The following CDH19 variants were observed in gnomAD, a reference collection of about 807,000 sequenced individuals.
CDH19 encodes cadherin-19.
A neutral mutation model predicts 64.2 loss-of-function variants in CDH19; 67 were observed. The observed-to-expected ratio is 1.04, with a 90% CI of 0.86 to 1.28. CDH19 has a LOEUF of 1.28. Ranked by LOEUF, CDH19 falls within the 50% of genes most tolerant of loss-of-function variation. CDH19 has a pLI of 0.00. For missense variants in CDH19, 1,030 were observed against 929.0 expected, an observed-to-expected ratio of 1.11 and a Z score of -1.41; for synonymous variants, 346 against 319.3, an observed-to-expected ratio of 1.08 and a Z score of -0.89.
rs1434989263 is a variant in CDH19, at chr18:66,515,635, TA to T, written c.1459-3951del. Among the ~76,000 whole-genome samples, 5 of 151,876 alleles carry T rather than the reference TA, an allele frequency of 3.3e-5. No homozygotes were observed. The East Asian group carries it at 9.6e-4, about 29-fold the overall frequency. ...ATATTTATTTAAATGTCATAGATATTATAATTGTTTTTGCCATTAACTTGTA... is the reference window on the plus strand; with the variant it reads ...ATATTTATTTAAATGTCATAGATATTTAATTGTTTTTGCCATTAACTTGTA... On this transcript the variant is annotated intron_variant, in intron 9 of 11. Transcript: ENST00000262150.
chr18:66,506,848 T>C (rs1474504800), intron 11 of CDH19, among the ~76,000 whole-genome samples: 1 of 151,922 alleles, frequency 6.6e-6, no homozygotes, highest in African/African-American at 2.4e-5. Context: ...TATATAAAAC[T>C]TGCATTTAAA....
At chr18:66,523,149 CAG>C (rs1986066688) in intron 9 of CDH19, among the ~76,000 whole-genome samples, 1 of 152,080 alleles carries the variant, frequency 6.6e-6, no homozygotes, top group Non-Finnish European at 1.5e-5. Context: ...TCCTCACTAA[CAG>C]ATCACAGAAT....
At position 66,524,569 on chromosome 18, in the gene CDH19, T is replaced by TATAA. The variant is rs1276593665; in HGVS notation, c.1458+5275_1458+5276insTTAT. On this transcript the variant is annotated intron_variant, in intron 9 of 11. Transcript: ENST00000262150. Reference sequence around the variant, plus strand: ...ATATATATATATATATATATATATATAAACATCATCATGCACCATAAATAT... The same window carrying TATAA: ...ATATATATATATATATATATATATATATAAAAACATCATCATGCACCATAAATAT... 1.3e-3 allele frequency among the ~76,000 whole-genome samples: 176 copies of TATAA among 135,158 alleles called. 1 individual carries two copies. Among genetic ancestry groups the TATAA allele is most frequent in the Middle Eastern group, 4.0e-3 (1 of 250 alleles). The allele number at this position is 135,158 out of a possible 152,430, so 88.7% of individuals were successfully genotyped here.
rs1985139936 is a variant in CDH19 at position 66,505,302 on chromosome 18, C to T, written c.1829G>A (p.Gly610Glu). 5.2e-6 allele frequency: 8 copies of T among 1,543,464 alleles called. No individual in the cohort carries two copies. The highest frequency in any genetic ancestry group is 6.9e-6 in the Non-Finnish European group (8 of 1,151,578). ...TAAACCCAAAGTCAAAAAAATAAAC[C>T]CTGATGAAGAAAGCACATCAGAATA... ...AILICIMIIF[G>E]FIFLTLGLKQ... The change falls in exon 12 of 12, where the codon GGG becomes GAG. Residue 610 changes from glycine to glutamate, a missense_variant and splice_region_variant. Gly to Glu is a moderately conservative substitution (Grantham distance 98). Coordinates refer to ENST00000262150, the MANE Select transcript of CDH19 (RefSeq NM_021153.4).
rs2144582207 is a variant in CDH19 at position 66,572,240 on chromosome 18, A to G, written c.-36T>C. The G allele has an allele frequency of 6.5e-7, 1 of 1,535,212 alleles. No homozygotes were observed. The highest frequency in any genetic ancestry group is 1.2e-5 in the South Asian group (1 of 85,654). On this transcript the variant is annotated 5_prime_UTR_variant, in exon 2 of 12. Transcript: ENST00000262150. Reference sequence around the variant, plus strand: ...CTTTTGATTCCAACTATTACTCTTCAGAGGAAACAGGACGTCACTAACAAA... The same window carrying G: ...CTTTTGATTCCAACTATTACTCTTCGGAGGAAACAGGACGTCACTAACAAA...
chr18:66,567,969 TTTTGTC>T (rs1247183439), intron 3 of CDH19, among the ~76,000 whole-genome samples: 3 of 151,706 alleles, frequency 2.0e-5, no homozygotes, highest in Non-Finnish European at 2.9e-5. Context: ...AACCACTTAG[TTTTGTC>T]TTAGTGGTTT....
chr18:66,602,567 G>A (rs1197628285), intron 1 of CDH19, among the ~76,000 whole-genome samples: 1 of 151,868 alleles, frequency 6.6e-6, no homozygotes, highest in African/African-American at 2.4e-5. Flanking sequence ...ATATGCAGAT[G>A]TGTCTGTGTG....
chr18:66,582,171 A>G (rs1274309256), intron 1 of CDH19, among the ~76,000 whole-genome samples: 4 of 152,164 alleles, frequency 2.6e-5, no homozygotes, highest in Admixed American at 1.3e-4. Flanking sequence ...ATGACAAAAT[A>G]TATGTTTTCT....
chr18:66,590,087 C>T (rs554422016), intron 1 of CDH19, among the ~76,000 whole-genome samples: 2 of 151,892 alleles, frequency 1.3e-5, no homozygotes, highest in Non-Finnish European at 2.9e-5. Context: ...CCCTCAATTT[C>T]AGGGAAATTG....
At chr18:66,522,087 C>T (rs1416419950) in intron 9 of CDH19, among the ~76,000 whole-genome samples, 1 of 151,570 alleles carries the variant, frequency 6.6e-6, no homozygotes, top group Non-Finnish European at 1.5e-5. Context: ...GCTGGTACTA[C>T]AGGCGCCCGC....
At chr18:66,582,475 T>C (rs1988451144) in intron 1 of CDH19, among the ~76,000 whole-genome samples, 1 of 151,998 alleles carries the variant, frequency 6.6e-6, no homozygotes. Flanking sequence ...ACAGTTTGCA[T>C]ACATAAGTGA....
rs557888157 is a variant in CDH19 at position 66,509,333 on chromosome 18, T to TAG, written c.1577-89_1577-88dup. 1.7e-3 allele frequency: 1,972 copies of TAG among 1,134,646 alleles called. 7 individuals carry two copies. Among genetic ancestry groups the TAG allele is most frequent in the South Asian group, 5.9e-3 (389 of 65,676 alleles). 70.3% of individuals were successfully genotyped at this position (1,134,646 alleles called of 1,614,324 possible). On this transcript the variant is annotated intron_variant, in intron 10 of 11. Coordinates refer to ENST00000262150, the MANE Select transcript of CDH19 (RefSeq NM_021153.4). ...GTCACATGTGCTAGGGACAATAGTA[T>TAG]AGAGATATGATCAAGTAAGTTCAAA...
chr18:66,520,097 A>C (rs1013382689), intron 9 of CDH19, among the ~76,000 whole-genome samples: 7 of 152,090 alleles, frequency 4.6e-5, no homozygotes, highest in Non-Finnish European at 8.8e-5. Flanking sequence ...AGGCAGGAGA[A>C]TCGCTTGAAC....
At chr18:66,579,978 G>A in intron 1 of CDH19, among the ~76,000 whole-genome samples, 1 of 152,060 alleles carries the variant, frequency 6.6e-6, no homozygotes, top group Non-Finnish European at 1.5e-5. Flanking sequence ...TGGAAGATAG[G>A]CAAAACCATT....
intron 1 of CDH19, among the ~76,000 whole-genome samples, chr18:66,579,817 T>C (rs1988372829): frequency 6.6e-6 from 1 of 152,050 alleles, no homozygotes; most frequent in Non-Finnish European, 1.5e-5. Flanking sequence ...AATGAGAAAG[T>C]ATTGCCAGTT....
intron 8 of CDH19, among the ~76,000 whole-genome samples, chr18:66,532,921 A>G (rs949621381): frequency 2.6e-5 from 4 of 152,060 alleles, no homozygotes; most frequent in Non-Finnish European, 4.4e-5. Flanking sequence ...GAATATCTAG[A>G]TAATATTTAA....
chr18:66,508,619 T>C (rs1354516525), intron 11 of CDH19, among the ~76,000 whole-genome samples: 1 of 151,932 alleles, frequency 6.6e-6, no homozygotes, highest in Non-Finnish European at 1.5e-5. Flanking sequence ...ATAGTGCATA[T>C]AAAACACTGA....
At chr18:66,543,633 C>A (rs531060434) in intron 7 of CDH19, among the ~76,000 whole-genome samples, 1 of 152,084 alleles carries the variant, frequency 6.6e-6, no homozygotes, top group Admixed American at 6.5e-5. Flanking sequence ...GCCTGTAATG[C>A]CAGCATTTTG....
At chr18:66,576,181 T>C (rs1196036248) in intron 1 of CDH19, among the ~76,000 whole-genome samples, 1 of 151,446 alleles carries the variant, frequency 6.6e-6, no homozygotes, top group Admixed American at 6.6e-5. Context: ...AAGCAGTATG[T>C]TTAATATTAA....
Sources: allele counts gnomAD v4.1 joint callset (sites outside exome capture counted in the v4.1 genomes callset), GRCh38; gene constraint gnomAD v4.1.1; transcripts MANE v1.5; gene names NCBI Gene and HGNC (gene_info 2026-07-23, HGNC 2026-07-21).